Variants in RALYL observed in about 807,000 individuals in gnomAD.
RALYL encodes the protein RALY RNA binding protein like.
In RALYL, 29 loss-of-function variants were observed where a neutral mutation model predicts 35.1. The observed-to-expected ratio is 0.83, with a 90% CI of 0.61 to 1.13. The LOEUF (loss-of-function observed/expected upper bound fraction) is 1.13. RALYL is among the 50% of genes most tolerant of loss of function. The pLI is 0.00. For synonymous variants in RALYL, 120 were observed against 127.6 expected (o/e 0.94, Z 0.40); for missense variants, 359 against 360.4 (o/e 1.00, Z 0.03).
intron 1 of RALYL, among the ~76,000 whole-genome samples, chr8:84,342,403 T>C (rs1849030893): frequency 1.3e-5 from 2 of 148,500 alleles, no homozygotes; most frequent in South Asian, 4.2e-4. Flanking sequence ...TAGGGCCAAA[T>C]TGATGTCTAT....
chr8:84,481,972 C>T (rs2054092637), intron 1 of RALYL, among the ~76,000 whole-genome samples: 1 of 151,944 alleles, frequency 6.6e-6, no homozygotes, highest in Non-Finnish European at 1.5e-5. Context: ...AATGATACCT[C>T]ATTTGTAAAA....
intron 1 of RALYL, among the ~76,000 whole-genome samples, chr8:84,427,845 A>AC (rs1317832963): frequency 9.2e-5 from 14 of 151,834 alleles, no homozygotes; most frequent in Non-Finnish European, 1.6e-4. Flanking sequence ...TCCCCTCCTC[A>AC]CCTGTGTTGA....
rs1390272632 is a variant in RALYL at position 84,618,219 on chromosome 8, G to A, written c.256+88642G>A. Among the ~76,000 whole-genome samples the A allele has an allele frequency of 2.6e-5, 4 of 151,048 alleles. No individual in the cohort carries two copies. In the East Asian group the frequency reaches 5.9e-4, roughly 22 times the overall value. On this transcript the variant is annotated intron_variant, in intron 2 of 8. Coordinates refer to ENST00000521268, the MANE Select transcript of RALYL (RefSeq NM_173848.7). ...TAGAATTCGGCTGTGAATCCATTTG[G>A]TCCTGGACTCTTTTTGGTTGGTAAG...
chr8:84,864,336 G>C (rs1298326576), intron 6 of RALYL, among the ~76,000 whole-genome samples: 1 of 152,008 alleles, frequency 6.6e-6, no homozygotes, highest in Non-Finnish European at 1.5e-5. Context: ...ATCATTCTTT[G>C]GAACTGTGTA....
At chr8:84,667,386 A>G (rs1832294688) in intron 2 of RALYL, among the ~76,000 whole-genome samples, 1 of 152,072 alleles carries the variant, frequency 6.6e-6, no homozygotes, top group African/African-American at 2.4e-5. Context: ...TTTGTCAAGA[A>G]CTTTAAGTGG....
At chr8:84,557,294 A>G (rs1207817381) in intron 2 of RALYL, among the ~76,000 whole-genome samples, 1 of 152,192 alleles carries the variant, frequency 6.6e-6, no homozygotes, top group African/African-American at 2.4e-5. Context: ...GGGAGAAGTT[A>G]CTCAGTATGT....
intron 1 of RALYL, among the ~76,000 whole-genome samples, chr8:84,390,077 C>A (rs1253469167): frequency 6.6e-6 from 1 of 151,998 alleles, no homozygotes. Context: ...TTGTCAAAGG[C>A]CTTTTCTGCA....
At chr8:84,402,578 A>G (rs1042159150) in intron 1 of RALYL, among the ~76,000 whole-genome samples, 7 of 152,120 alleles carry the variant, frequency 4.6e-5, no homozygotes, top group Admixed American at 2.6e-4. Context: ...GAAGGAATCA[A>G]CACTATTCTA....
intron 2 of RALYL, among the ~76,000 whole-genome samples, chr8:84,769,176 G>T (rs995982586): frequency 6.6e-6 from 1 of 152,122 alleles, no homozygotes; most frequent in Non-Finnish European, 1.5e-5. Flanking sequence ...GTAGAAATCT[G>T]TTTTTATTTT....
At chr8:84,906,960 G>A in intron 8 of RALYL, 7 of 985,212 alleles carry the variant, frequency 7.1e-6, no homozygotes, top group African/African-American at 1.7e-5. Flanking sequence ...CACAAGCTCC[G>A]GGGTTGCCTG....
chr8:84,805,601 C>A (rs2134022108), intron 4 of RALYL, among the ~76,000 whole-genome samples: 1 of 152,152 alleles, frequency 6.6e-6, no homozygotes, highest in South Asian at 2.1e-4. Context: ...GGAGAATTGC[C>A]TGAACCTGGG....
intron 2 of RALYL, among the ~76,000 whole-genome samples, chr8:84,643,061 G>A (rs1181889200): frequency 6.6e-6 from 1 of 151,896 alleles, no homozygotes; most frequent in Non-Finnish European, 1.5e-5. Flanking sequence ...GAAGGGGAAA[G>A]AGAGAGAGTA....
intron 7 of RALYL, among the ~76,000 whole-genome samples, chr8:84,883,444 C>G (rs182147688): frequency 1.3e-5 from 2 of 152,068 alleles, no homozygotes; most frequent in African/African-American, 4.8e-5. Flanking sequence ...GCTGGGGAGG[C>G]CTCACAGTCA....
intron 3 of RALYL, among the ~76,000 whole-genome samples, chr8:84,780,242 G>C (rs1488585302): frequency 6.6e-6 from 1 of 152,102 alleles, no homozygotes; most frequent in Non-Finnish European, 1.5e-5. Flanking sequence ...AATACATCCT[G>C]TCCTTCTGAA....
At chr8:84,313,893 A>C (rs1025783350) in intron 1 of RALYL, among the ~76,000 whole-genome samples, 2 of 152,112 alleles carry the variant, frequency 1.3e-5, no homozygotes, top group African/African-American at 4.8e-5. Flanking sequence ...CCACATTTTC[A>C]AGTTATCTTT....
chr8:84,479,688 T>A (rs950743290), intron 1 of RALYL, among the ~76,000 whole-genome samples: 4 of 152,214 alleles, frequency 2.6e-5, no homozygotes, highest in Non-Finnish European at 5.9e-5. Context: ...TTTTTAAGAT[T>A]ACTGGGCTAC....
chr8:84,405,008 A>C (rs540356510), intron 1 of RALYL, among the ~76,000 whole-genome samples: 1 of 152,334 alleles, frequency 6.6e-6, no homozygotes, highest in East Asian at 1.9e-4. Flanking sequence ...GATCATAACA[A>C]ACAGACTGTC....
At chr8:84,487,587 C>G (rs560823825) in intron 1 of RALYL, among the ~76,000 whole-genome samples, 167 of 152,030 alleles carry the variant, frequency 1.1e-3, no homozygotes, top group Non-Finnish European at 4.1e-4. Flanking sequence ...TATGGCCTGC[C>G]ACCAGTTTCT....
At chr8:84,368,078 A>G (rs1012946254) in intron 1 of RALYL, among the ~76,000 whole-genome samples, 1 of 152,200 alleles carries the variant, frequency 6.6e-6, no homozygotes, top group East Asian at 1.9e-4. Flanking sequence ...CCAACTCGTG[A>G]TACACGCAGA....
Sources: gnomAD v4.1 joint callset for allele counts (sites outside exome capture counted in the v4.1 genomes callset) on GRCh38, gnomAD v4.1.1 for gene constraint, MANE v1.5 for transcripts, NCBI Gene and HGNC (gene_info 2026-07-23, HGNC 2026-07-21) for gene names.